Variants in PAPPA observed in about 807,000 individuals in gnomAD.
PAPPA encodes pappalysin 1.
PAPPA carries 60 observed loss-of-function variants against 164.0 expected under a neutral mutation model. The ratio of observed to expected loss-of-function variants is 0.37; its 90% CI spans 0.30 to 0.45. The LOEUF is 0.45. Ranked by LOEUF, PAPPA falls within the 20% of genes least tolerant of loss-of-function variation. The pLI is 1.00. For synonymous variants in PAPPA, 875 were observed against 814.1 expected, an observed-to-expected ratio of 1.07 and a Z score of -1.27; for missense variants, 1,782 against 2,087.3, an observed-to-expected ratio of 0.85 and a Z score of 2.85.
intron 8 of PAPPA, among the ~76,000 whole-genome samples, chr9:116,267,003 G>T (rs931512684): frequency 3.4e-4 from 51 of 152,086 alleles, no homozygotes; most frequent in African/African-American, 1.2e-3. Context: ...AGCACTGTTG[G>T]GTGTCACATA....
chr9:116,251,165 A>T (rs1330344407), intron 7 of PAPPA, among the ~76,000 whole-genome samples: 6 of 152,192 alleles, frequency 3.9e-5, no homozygotes, highest in African/African-American at 1.2e-4. Flanking sequence ...AGCTCAGAAG[A>T]CTTCGTGGAC....
intron 7 of PAPPA, among the ~76,000 whole-genome samples, chr9:116,238,726 C>T (rs891713919): frequency 1.8e-4 from 27 of 152,162 alleles, no homozygotes; most frequent in African/African-American, 5.3e-4. Flanking sequence ...CCTTCCTCTT[C>T]GAATCTTTTG....
At chr9:116,339,685 T>C (rs755134001) in intron 13 of PAPPA, among the ~76,000 whole-genome samples, 1 of 152,174 alleles carries the variant, frequency 6.6e-6, no homozygotes, top group Non-Finnish European at 1.5e-5. Context: ...AGCCTTTCTG[T>C]TTTTATCTCT....
intron 7 of PAPPA, among the ~76,000 whole-genome samples, chr9:116,243,294 G>A (rs1463670062): frequency 6.6e-6 from 1 of 152,184 alleles, no homozygotes; most frequent in Non-Finnish European, 1.5e-5. Context: ...CTTAAATTTA[G>A]TCACTGTGTT....
At chr9:116,264,187 G>A (rs987696170) in intron 7 of PAPPA, among the ~76,000 whole-genome samples, 3 of 152,114 alleles carry the variant, frequency 2.0e-5, no homozygotes. Flanking sequence ...ATTATCACCA[G>A]GTGAAGTATA....
chr9:116,268,682 T>G (rs1166699998), intron 8 of PAPPA, among the ~76,000 whole-genome samples: 6 of 112,232 alleles, frequency 5.3e-5, no homozygotes, highest in Non-Finnish European at 1.1e-4. Flanking sequence ...TATTATTAAT[T>G]TTAAATAGTA....
chr9:116,281,601 A>T (rs1393586433), intron 9 of PAPPA, among the ~76,000 whole-genome samples: 1 of 152,106 alleles, frequency 6.6e-6, no homozygotes, highest in Non-Finnish European at 1.5e-5. Flanking sequence ...AGTAGAAGGG[A>T]CTGTATTGAT....
chr9:116,237,295 T>C (rs747387194), intron 7 of PAPPA, among the ~76,000 whole-genome samples: 2 of 152,220 alleles, frequency 1.3e-5, no homozygotes, highest in African/African-American at 2.4e-5. Flanking sequence ...TGTTTGAGAA[T>C]GTACTTAAAA....
chr9:116,332,589 T>C, intron 12 of PAPPA, 121 bp downstream of exon 12: 1 of 924,182 alleles, frequency 1.1e-6, no homozygotes, highest in Non-Finnish European at 1.6e-6. Flanking sequence ...TTCTTGCTTC[T>C]TTTCTATTTG....
At chr9:116,298,935 T>C (rs192789775) in intron 9 of PAPPA, among the ~76,000 whole-genome samples, 38 of 152,288 alleles carry the variant, frequency 2.5e-4, no homozygotes, top group African/African-American at 8.7e-4. Context: ...ACCAAGTAAA[T>C]TGATGTAATG....
intron 10 of PAPPA, among the ~76,000 whole-genome samples, chr9:116,306,781 A>G (rs1845652047): frequency 1.3e-5 from 2 of 152,148 alleles, no homozygotes; most frequent in Non-Finnish European, 2.9e-5. Context: ...AGATGTTGAT[A>G]TTCCTTCCTT....
chr9:116,216,780 C>T lies in PAPPA; in HGVS notation c.1919-3157C>T, dbSNP rs139666864. Among the ~76,000 whole-genome samples, 965 of 152,108 alleles carry T rather than the reference C, an allele frequency of 6.3e-3. 29 individuals are homozygous for T. The East Asian group carries it at 0.099, about 16-fold the overall frequency. On this transcript the variant is annotated intron_variant, in intron 4 of 21. Coordinates refer to ENST00000328252, the MANE Select transcript of PAPPA (RefSeq NM_002581.5). ...TTTTTGAGGCGGAGTCTTACTCTGT[C>T]GCCCAGGCTGGAGTGCAGTGGTGTG...
intron 4 of PAPPA, among the ~76,000 whole-genome samples, chr9:116,218,117 T>G (rs137866228): frequency 5.9e-5 from 9 of 152,344 alleles, no homozygotes; most frequent in African/African-American, 2.2e-4. Flanking sequence ...ACTCGGTTAT[T>G]CACTATACTG....
chr9:116,307,514 C>T (rs868850964), intron 10 of PAPPA, among the ~76,000 whole-genome samples: 1 of 152,046 alleles, frequency 6.6e-6, no homozygotes, highest in Non-Finnish European at 1.5e-5. Flanking sequence ...GCAGGAGAAT[C>T]GCTTGAACCC....
chr9:116,231,669 GGATGGAT>G (rs1844594509), intron 6 of PAPPA, among the ~76,000 whole-genome samples: 2 of 11,104 alleles, frequency 1.8e-4, no homozygotes, highest in African/African-American at 1.3e-3. Context: ...GCGGATGGAT[GGATGGAT>G]GGATGGATGG....
rs186563517 is a variant in PAPPA at position 116,158,513 on chromosome 9, C to A, written c.415+3926C>A. ...GACTTCTCTGGACTTCATTCACCTT[C>A]CTCATGTACAGAGTGATGATGGCAC... On this transcript the variant is annotated intron_variant, in intron 1 of 21. Transcript: ENST00000328252. Among the ~76,000 whole-genome samples, 317 of 152,316 alleles carry A rather than the reference C, an allele frequency of 2.1e-3. 3 individuals are homozygous for A. The highest frequency in any genetic ancestry group is 4.0e-3 in the Non-Finnish European group (274 of 68,032).
rs1387520230 is a variant in PAPPA, at chr9:116,397,738, G to C, written c.*1122G>C. 1 of 152,658 alleles carries C rather than the reference G, an allele frequency of 6.6e-6. No individual in the cohort carries two copies. The highest frequency in any genetic ancestry group is 1.5e-5 in the Non-Finnish European group (1 of 68,052). The allele number at this position is 152,658 out of a possible 1,614,324, so 9.5% of individuals were successfully genotyped here. A position where few individuals can be genotyped will look rare whatever the true frequency, so the allele number is the denominator to read the frequency against. ...AATGTCTAAGCCAGTGTTAGATTTT[G>C]TAAACAAGTGGAACAGTGTTAAATT... On this transcript the variant is annotated 3_prime_UTR_variant, in exon 22 of 22. Coordinates refer to ENST00000328252, the MANE Select transcript of PAPPA (RefSeq NM_002581.5).
At chr9:116,217,402 T>C (rs58887181) in intron 4 of PAPPA, among the ~76,000 whole-genome samples, 10,471 of 152,266 alleles carry the variant, frequency 0.069, 442 homozygotes, top group Middle Eastern at 0.12. Context: ...TCTATGTCTG[T>C]GCCTTAAAGT....
chr9:116,390,781 C>G (rs1846880915), intron 21 of PAPPA, among the ~76,000 whole-genome samples: 1 of 152,056 alleles, frequency 6.6e-6, no homozygotes, highest in Non-Finnish European at 1.5e-5. Context: ...ATGATGGAAT[C>G]CAGCCCTTCT....
Sources: allele counts gnomAD v4.1 joint callset (sites outside exome capture counted in the v4.1 genomes callset), GRCh38; gene constraint gnomAD v4.1.1; transcripts MANE v1.5; gene names NCBI Gene and HGNC (gene_info 2026-07-23, HGNC 2026-07-21).